The following PLXNA4 variants were observed in gnomAD, a reference collection of about 807,000 sequenced individuals.
PLXNA4 encodes the protein plexin A4, also known as plexin-A4.
Under a neutral mutation model 191.8 loss-of-function variants are expected in PLXNA4, and 44 were observed. That is an observed-to-expected ratio of 0.23 (90% CI 0.18 to 0.29). PLXNA4 has a LOEUF of 0.29. Ranked by LOEUF, PLXNA4 falls within the 10% of genes least tolerant of loss-of-function variation. The probability of loss-of-function intolerance (pLI) is 1.00; values close to 1 mark genes in which losing one functional copy is unlikely to be tolerated. For missense variants in PLXNA4, 1,800 were observed against 2,488.8 expected (o/e 0.72, Z 5.89); for synonymous variants, 1,082 against 1,009.5 (o/e 1.07, Z -1.36).
chr7:132,607,630 C>A (rs943408514), intron 2 of PLXNA4, among the ~76,000 whole-genome samples: 2 of 152,216 alleles, frequency 1.3e-5, no homozygotes, highest in African/African-American at 4.8e-5. Flanking sequence ...GTTCTCTGAG[C>A]CTGTGCCTTT....
At chr7:132,586,619 G>A (rs1353044417) in intron 2 of PLXNA4, among the ~76,000 whole-genome samples, 1 of 152,156 alleles carries the variant, frequency 6.6e-6, no homozygotes, top group Non-Finnish European at 1.5e-5. Context: ...CGGGCATCGT[G>A]GTGGGCACCT....
chr7:132,232,111 T>G (rs989071857), intron 5 of PLXNA4, among the ~76,000 whole-genome samples: 1 of 152,172 alleles, frequency 6.6e-6, no homozygotes, highest in Non-Finnish European at 1.5e-5. Context: ...GGGAATGGTC[T>G]TCTGCTTTTC....
intron 4 of PLXNA4, among the ~76,000 whole-genome samples, chr7:132,265,490 G>A (rs772582074): frequency 6.6e-6 from 1 of 152,120 alleles, no homozygotes; most frequent in East Asian, 1.9e-4. Context: ...TTAGGAATTG[G>A]GTAGCAATAT....
intron 4 of PLXNA4, among the ~76,000 whole-genome samples, chr7:132,254,783 T>C (rs527657525): frequency 2.3e-4 from 35 of 152,328 alleles, no homozygotes; most frequent in Non-Finnish European, 5.9e-5. Flanking sequence ...GTGGTACGGA[T>C]AATGCATCCA....
intron 2 of PLXNA4, among the ~76,000 whole-genome samples, chr7:132,582,948 C>T: frequency 6.6e-6 from 1 of 152,176 alleles, no homozygotes; most frequent in Non-Finnish European, 1.5e-5. Flanking sequence ...GCCAGTCACT[C>T]CCTTCAGAGC....
intron 5 of PLXNA4, among the ~76,000 whole-genome samples, chr7:132,229,434 C>T (rs752126768): frequency 1.3e-5 from 2 of 152,138 alleles, no homozygotes; most frequent in African/African-American, 2.4e-5. Flanking sequence ...TTTCAGGGAG[C>T]AGTATTTAAT....
intron 4 of PLXNA4, among the ~76,000 whole-genome samples, chr7:132,245,010 A>C (rs1270230700): frequency 6.6e-6 from 1 of 152,006 alleles, no homozygotes; most frequent in Non-Finnish European, 1.5e-5. Flanking sequence ...ACACCATACA[A>C]AGCTGCCTCT....
intron 2 of PLXNA4, among the ~76,000 whole-genome samples, chr7:132,607,627 G>A (rs1177399902): frequency 6.6e-6 from 1 of 152,212 alleles, no homozygotes; most frequent in Non-Finnish European, 1.5e-5. Flanking sequence ...GATGTTCTCT[G>A]AGCCTGTGCC....
intron 4 of PLXNA4, among the ~76,000 whole-genome samples, chr7:132,292,003 C>T (rs1253012648): frequency 1.3e-5 from 2 of 152,138 alleles, no homozygotes; most frequent in Admixed American, 6.6e-5. Flanking sequence ...CCATGTTGGC[C>T]AGGCTGGTCT....
At chr7:132,465,401 A>G (rs552507312) in intron 3 of PLXNA4, among the ~76,000 whole-genome samples, 1 of 152,136 alleles carries the variant, frequency 6.6e-6, no homozygotes, top group South Asian at 2.1e-4. Flanking sequence ...TACAAAGAAA[A>G]GGTTCTGTCT....
intron 14 of PLXNA4, among the ~76,000 whole-genome samples, chr7:132,190,209 T>C (rs563428847): frequency 2.0e-5 from 3 of 152,362 alleles, no homozygotes; most frequent in East Asian, 1.9e-4. Context: ...ATTTGTATTA[T>C]ACAAATTCCA....
intron 3 of PLXNA4, among the ~76,000 whole-genome samples, chr7:132,379,305 G>C (rs1014150801): frequency 2.0e-5 from 3 of 152,214 alleles, no homozygotes; most frequent in African/African-American, 7.2e-5. Context: ...TCCAAAGGGT[G>C]ATTACACCAG....
At chr7:132,495,655 C>A (rs1797982199) in intron 2 of PLXNA4, among the ~76,000 whole-genome samples, 1 of 152,152 alleles carries the variant, frequency 6.6e-6, no homozygotes. Context: ...AGCTCTCCTG[C>A]CCTTCCTGAA....
At chr7:132,344,789 T>C (rs1377680324) in intron 3 of PLXNA4, among the ~76,000 whole-genome samples, 1 of 152,226 alleles carries the variant, frequency 6.6e-6, no homozygotes, top group African/African-American at 2.4e-5. Flanking sequence ...AAGAGATCAG[T>C]TGAGAAGGTC....
chr7:132,449,584 A>G (rs1796041146), intron 3 of PLXNA4, among the ~76,000 whole-genome samples: 1 of 152,212 alleles, frequency 6.6e-6, no homozygotes, highest in Non-Finnish European at 1.5e-5. Flanking sequence ...AGGCAGAGGT[A>G]CCTTATTTAG....
chr7:132,243,765 C>T lies in PLXNA4; in HGVS notation c.1504-2599G>A, dbSNP rs369068074. ...TTTATAAGTGACGGCTATGATGGAT[C>T]GCTGCTATCCTTTTCATTAATATCC... On this transcript the variant is annotated intron_variant, in intron 4 of 31. Coordinates refer to ENST00000321063, the MANE Select transcript of PLXNA4 (RefSeq NM_020911.2). Among the ~76,000 whole-genome samples the T allele has an allele frequency of 2.8e-5, 4 of 143,038 alleles. No homozygotes were observed. The South Asian group carries it at 6.7e-4, about 24-fold the overall frequency. The allele number at this position is 143,038 out of a possible 152,430, so 93.8% of individuals were successfully genotyped here. A position where few individuals can be genotyped will look rare whatever the true frequency, so the allele number is the denominator to read the frequency against.
At chr7:132,281,670 T>G (rs1349796474) in intron 4 of PLXNA4, among the ~76,000 whole-genome samples, 1 of 152,208 alleles carries the variant, frequency 6.6e-6, no homozygotes, top group Non-Finnish European at 1.5e-5. Context: ...CCATTGTGAA[T>G]GTATTACTTT....
chr7:132,283,297 G>A (rs943445160), intron 4 of PLXNA4, among the ~76,000 whole-genome samples: 1 of 152,042 alleles, frequency 6.6e-6, no homozygotes, highest in African/African-American at 2.4e-5. Flanking sequence ...TATGTAACTG[G>A]CAGCAGTAGG....
At chr7:132,248,046 T>C (rs998989941) in intron 4 of PLXNA4, among the ~76,000 whole-genome samples, 21 of 152,220 alleles carry the variant, frequency 1.4e-4, no homozygotes, top group Admixed American at 9.2e-4. Flanking sequence ...TCCCCACTTC[T>C]TGGCTTTGGG....
Sources: gnomAD v4.1 joint callset for allele counts (sites outside exome capture counted in the v4.1 genomes callset) on GRCh38, gnomAD v4.1.1 for gene constraint, MANE v1.5 for transcripts, NCBI Gene and HGNC (gene_info 2026-07-23, HGNC 2026-07-21) for gene names.